RBFOX1: variants seen among roughly 807,000 people sequenced by gnomAD.
The protein encoded by RBFOX1 is RNA binding fox-1 homolog 1, also known as RNA binding protein fox-1 homolog 1.
Under a neutral mutation model 57.7 loss-of-function variants are expected in RBFOX1, and 8 were observed. That is an observed-to-expected ratio of 0.14 (90% CI 0.08 to 0.25). RBFOX1 has a LOEUF of 0.25. RBFOX1 is among the 10% of genes least tolerant of loss of function. The pLI is 1.00. For synonymous variants in RBFOX1, 326 were observed against 222.4 expected, an observed-to-expected ratio of 1.47 and a Z score of -4.15; for missense variants, 611 against 548.5, an observed-to-expected ratio of 1.11 and a Z score of -1.14.
intron 8 of RBFOX1, among the ~76,000 whole-genome samples, chr16:7,596,032 G>C (rs1353183955): frequency 2.0e-5 from 3 of 150,610 alleles, no homozygotes; most frequent in East Asian, 2.0e-4. Flanking sequence ...GTTGAAGAGG[G>C]ATCCACAGTG....
chr16:6,299,940 C>A (rs1385040951), intron 1 of RBFOX1, among the ~76,000 whole-genome samples: 1 of 152,158 alleles, frequency 6.6e-6, no homozygotes, highest in African/African-American at 2.4e-5. Flanking sequence ...GCCCCCAGAA[C>A]CTACAGTTAA....
rs375726578 is a variant in RBFOX1 at position 6,631,560 on chromosome 16, GA to G, written c.-63-23037del. Reference sequence around the variant, plus strand: ...GTTCTGGGTGTCAGAATACAGCATGGAAAAAAGACAAAGGAAAGTCTCTGCT... The same window carrying G: ...GTTCTGGGTGTCAGAATACAGCATGGAAAAAGACAAAGGAAAGTCTCTGCT... On this transcript the variant is annotated intron_variant, in intron 2 of 15. Transcript: ENST00000550418. Among the ~76,000 whole-genome samples the G allele has an allele frequency of 8.0e-4, 121 of 151,966 alleles. No homozygotes were observed. In the East Asian group the frequency reaches 0.01, roughly 13 times the overall value.
Position 7,086,546 on chromosome 16 carries a change from A to T in RBFOX1, c.27+34448A>T, listed in dbSNP as rs116659861. ...CAATTTAAAATGGATTAAAAAGAAA[A>T]ACTAATAAAGGAAAAGTGATTTATA... On this transcript the variant is annotated intron_variant, in intron 4 of 15. Coordinates refer to ENST00000550418, the MANE Select transcript of RBFOX1 (RefSeq NM_018723.4). Among the ~76,000 whole-genome samples, 975 of 152,324 alleles carry T rather than the reference A, an allele frequency of 6.4e-3. 7 individuals are homozygous for T. Among genetic ancestry groups the T allele is most frequent in the African/African-American group, 0.022 (908 of 41,580 alleles).
At chr16:6,351,352 G>GTGTGTATATA (rs1474177476) in intron 2 of RBFOX1, among the ~76,000 whole-genome samples, 3 of 92,480 alleles carry the variant, frequency 3.2e-5, no homozygotes, top group African/African-American at 1.0e-4. Flanking sequence ...GTGTGTGTGT[G>GTGTGTATATA]TATATATATA....
intron 1 of RBFOX1, among the ~76,000 whole-genome samples, chr16:6,028,126 A>G (rs995067242): frequency 6.6e-6 from 1 of 152,138 alleles, no homozygotes; most frequent in East Asian, 1.9e-4. Context: ...TGTGTTCTCA[A>G]GTGAGTCTCC....
chr16:6,009,478 C>A (rs912726343), intron 4 of RBFOX1, among the ~76,000 whole-genome samples: 2 of 152,124 alleles, frequency 1.3e-5, no homozygotes, highest in Non-Finnish European at 2.9e-5. Context: ...GCTCCAGGGA[C>A]TTAGAAATGG....
intron 3 of RBFOX1, among the ~76,000 whole-genome samples, chr16:6,732,207 G>A (rs1005148175): frequency 2.6e-5 from 4 of 152,128 alleles, no homozygotes; most frequent in Admixed American, 6.6e-5. Flanking sequence ...ACTCACAGTT[G>A]CTGCTTCTCT....
At chr16:5,923,980 G>A (rs1045413180) in intron 4 of RBFOX1, among the ~76,000 whole-genome samples, 4 of 152,080 alleles carry the variant, frequency 2.6e-5, no homozygotes, top group Admixed American at 6.5e-5. Flanking sequence ...TAATCTCCAC[G>A]TGTCAAGGTC....
intron 4 of RBFOX1, among the ~76,000 whole-genome samples, chr16:7,494,004 C>T (rs1356587673): frequency 1.3e-5 from 2 of 152,066 alleles, no homozygotes; most frequent in African/African-American, 4.8e-5. Flanking sequence ...GCAATGGCAC[C>T]TTTTATTTTT....
chr16:7,683,067 T>C (rs1307737064), intron 14 of RBFOX1, among the ~76,000 whole-genome samples: 2 of 51,060 alleles, frequency 3.9e-5, no homozygotes, highest in Non-Finnish European at 7.3e-5. Context: ...ATGTTGATTG[T>C]ATATTCTCCA....
chr16:6,221,563 T>C (rs1439344968), intron 1 of RBFOX1, among the ~76,000 whole-genome samples: 2 of 152,202 alleles, frequency 1.3e-5, no homozygotes, highest in Non-Finnish European at 2.9e-5. Context: ...TTTGTTAATA[T>C]GATCTTAAGC....
chr16:6,548,403 G>A (rs1232106017), intron 2 of RBFOX1, among the ~76,000 whole-genome samples: 1 of 152,060 alleles, frequency 6.6e-6, no homozygotes, highest in Non-Finnish European at 1.5e-5. Flanking sequence ...TGTCTCTTTG[G>A]GCTTTTTAGG....
At chr16:6,615,967 T>G (rs533530150) in intron 2 of RBFOX1, among the ~76,000 whole-genome samples, 1 of 152,266 alleles carries the variant, frequency 6.6e-6, no homozygotes, top group South Asian at 2.1e-4. Flanking sequence ...TCCCTTGACG[T>G]TGTAGCTTGA....
At chr16:6,469,816 T>C (rs574629474) in intron 2 of RBFOX1, among the ~76,000 whole-genome samples, 1 of 152,326 alleles carries the variant, frequency 6.6e-6, no homozygotes, top group East Asian at 1.9e-4. Flanking sequence ...TCTCACGGGC[T>C]CACTAAGTGG....
intron 5 of RBFOX1, among the ~76,000 whole-genome samples, chr16:7,558,700 C>T (rs887566000): frequency 6.6e-6 from 1 of 152,176 alleles, no homozygotes; most frequent in African/African-American, 2.4e-5. Flanking sequence ...CCAGCTACCC[C>T]AGGCTGACAA....
At chr16:7,354,871 G>C (rs368507566) in intron 4 of RBFOX1, among the ~76,000 whole-genome samples, 2 of 152,174 alleles carry the variant, frequency 1.3e-5, no homozygotes, top group African/African-American at 4.8e-5. Context: ...TAAAAGTTCT[G>C]CTGGACAGCT....
chr16:6,993,281 C>G lies in RBFOX1; in HGVS notation c.-15-58776C>G, dbSNP rs1409929587. 2.0e-5 allele frequency among the ~76,000 whole-genome samples: 3 copies of G among 152,192 alleles called. 1 individual carries two copies. Among genetic ancestry groups the G allele is most frequent in the Admixed American group, 6.5e-5 (1 of 15,284 alleles). ...CTTCCTGGGAGTCATGTTTGTTGTT[C>G]AAATGAGTCTTCTGAGAATCAGGAT... On this transcript the variant is annotated intron_variant, in intron 3 of 15. Coordinates refer to ENST00000550418, the MANE Select transcript of RBFOX1 (RefSeq NM_018723.4).
intron 3 of RBFOX1, among the ~76,000 whole-genome samples, chr16:5,753,486 CTAAA>C (rs1555517556): frequency 6.6e-6 from 1 of 152,162 alleles, no homozygotes; most frequent in Non-Finnish European, 1.5e-5. Context: ...AGGAATCCCT[CTAAA>C]TATGCGGCAA....
chr16:6,184,199 A>G (rs980808724), intron 1 of RBFOX1, among the ~76,000 whole-genome samples: 5 of 152,192 alleles, frequency 3.3e-5, no homozygotes, highest in Non-Finnish European at 7.3e-5. Flanking sequence ...GGCTTCTCCC[A>G]TAACATATGG....
Sources: allele counts gnomAD v4.1 joint callset (sites outside exome capture counted in the v4.1 genomes callset), GRCh38; gene constraint gnomAD v4.1.1; transcripts MANE v1.5; gene names NCBI Gene and HGNC (gene_info 2026-07-23, HGNC 2026-07-21).